The following POLQ variants were observed in gnomAD, a reference collection of about 807,000 sequenced individuals.
POLQ encodes DNA polymerase theta.
In POLQ, 233 loss-of-function variants were observed where a neutral mutation model predicts 259.2. The observed-to-expected ratio is 0.90, with a 90% CI of 0.81 to 1.00. POLQ has a LOEUF of 1.00. Among genes scored for constraint, POLQ ranks in the 50% least tolerant of loss-of-function variants. The pLI, the probability that POLQ is intolerant of heterozygous loss-of-function variation, is 0.00. For missense variants in POLQ, 2,871 were observed against 3,051.6 expected, an observed-to-expected ratio of 0.94 and a Z score of 1.39; for synonymous variants, 1,025 against 1,048.8, an observed-to-expected ratio of 0.98 and a Z score of 0.44.
intron 24 of POLQ, among the ~76,000 whole-genome samples, chr3:121,462,461 T>G (rs1240871183): frequency 6.6e-6 from 1 of 152,108 alleles, no homozygotes; most frequent in Non-Finnish European, 1.5e-5. Context: ...AGTCTAGAGT[T>G]TGGGGCTTTG....
At chr3:121,508,016 A>ATTTTTTTTTT (rs4048669) in intron 12 of POLQ, among the ~76,000 whole-genome samples, 10 of 129,646 alleles carry the variant, frequency 7.7e-5, no homozygotes, top group Non-Finnish European at 6.3e-5. Context: ...ACCATACACA[A>ATTTTTTTTTT]TTTTTTTTTT....
chr3:121,454,855 T>A (rs1422867884), intron 25 of POLQ, among the ~76,000 whole-genome samples: 1 of 152,100 alleles, frequency 6.6e-6, no homozygotes, highest in African/African-American at 2.4e-5. Context: ...TACCCAGGAA[T>A]TGAACTCAGC....
intron 4 of POLQ, 96 bp from the exon 5 acceptor site, chr3:121,537,304 T>C (rs1576429792): frequency 1.4e-6 from 1 of 703,782 alleles, no homozygotes; most frequent in Non-Finnish European, 2.5e-6. Flanking sequence ...ATTTCCTTTA[T>C]ATCAACTTTT....
At chr3:121,538,634 G>A (rs1317782279) in intron 4 of POLQ, among the ~76,000 whole-genome samples, 1 of 150,824 alleles carries the variant, frequency 6.6e-6, no homozygotes, top group East Asian at 1.9e-4. Context: ...CAAGCACTGT[G>A]CTAGGTACAT....
intron 9 of POLQ, among the ~76,000 whole-genome samples, chr3:121,517,755 C>G (rs1362215133): frequency 6.6e-6 from 1 of 152,168 alleles, no homozygotes; most frequent in Non-Finnish European, 1.5e-5. Flanking sequence ...AGGATAGAAA[C>G]TACATTGCTG....
chr3:121,535,730 A>G (rs952236375), intron 5 of POLQ, among the ~76,000 whole-genome samples: 6 of 151,530 alleles, frequency 4.0e-5, no homozygotes, highest in African/African-American at 1.2e-4. Context: ...AAAAAAAAAA[A>G]AAAGAAAGAA....
intron 4 of POLQ, among the ~76,000 whole-genome samples, chr3:121,538,215 G>GT (rs1008835024): frequency 6.6e-6 from 1 of 151,416 alleles, no homozygotes; most frequent in Non-Finnish European, 1.5e-5. Flanking sequence ...AATTTTAAGA[G>GT]TTTTTTTTTA....
chr3:121,497,523 A>G (rs917291798), intron 13 of POLQ, among the ~76,000 whole-genome samples: 2 of 151,958 alleles, frequency 1.3e-5, no homozygotes, highest in Non-Finnish European at 2.9e-5. Flanking sequence ...TGCAACCTCC[A>G]TCTCCTGGGT....
intron 15 of POLQ, 36 bp from the exon 16 acceptor site, chr3:121,490,444 C>A (rs180952575): frequency 2.8e-5 from 42 of 1,507,568 alleles, no homozygotes; most frequent in Non-Finnish European, 3.7e-5. Context: ...GAAATGAATT[C>A]ATTCATTCGT....
intron 7 of POLQ, among the ~76,000 whole-genome samples, chr3:121,526,890 T>TGTGTGC (rs542001955): frequency 2.6e-3 from 391 of 151,456 alleles, no homozygotes; most frequent in Middle Eastern, 6.8e-3. Flanking sequence ...TGTGTGTGTG[T>TGTGTGC]GCGCGCGCGC....
intron 22 of POLQ, among the ~76,000 whole-genome samples, chr3:121,470,554 C>T (rs2047875399): frequency 6.6e-6 from 1 of 152,160 alleles, no homozygotes; most frequent in Non-Finnish European, 1.5e-5. Flanking sequence ...ATCTATGAAC[C>T]TATTTAATCC....
rs373379255 is a variant in POLQ, at chr3:121,487,915, A to AT, written c.5015dup (p.Asn1672LysfsTer6). 3.7e-5 allele frequency: 59 copies of AT among 1,605,440 alleles called. No individual in the cohort carries two copies. In the African/African-American group the frequency reaches 7.3e-4, roughly 20 times the overall value. Reference sequence around the variant, plus strand: ...CTTCTTGTTCTTCATTTAACTCTGTATTTTTTCTATTCAAACTGGAAAAGT... The same window carrying AT: ...CTTCTTGTTCTTCATTTAACTCTGTATTTTTTTCTATTCAAACTGGAAAAGT... On this transcript the variant is annotated frameshift_variant, in exon 16 of 30. Coordinates refer to ENST00000264233, the MANE Select transcript of POLQ (RefSeq NM_199420.4). LOFTEE classifies it high-confidence loss of function.
At chr3:121,473,798 C>A (rs1459467602) in intron 20 of POLQ, among the ~76,000 whole-genome samples, 1 of 143,818 alleles carries the variant, frequency 7.0e-6, no homozygotes, top group Admixed American at 7.3e-5. Flanking sequence ...GTGATCACAG[C>A]TCACTCTAGC....
At position 121,494,795 on chromosome 3, in the gene POLQ, T is replaced by C. The variant is rs373011855; in HGVS notation, c.2279-1074A>G. 8.7e-6 allele frequency: 13 copies of C among 1,489,132 alleles called. No homozygotes were observed. In the South Asian group the frequency reaches 1.1e-4, roughly 13 times the overall value. 92.2% of individuals were successfully genotyped at this position (1,489,132 alleles called of 1,614,324 possible). On this transcript the variant is annotated intron_variant, in intron 14 of 29. Transcript: ENST00000264233. Reference sequence around the variant, plus strand: ...TATCAGGACCAATTACAACGACAGATAGGATGAGACCCACCGTCACTGGGG... The same window carrying C: ...TATCAGGACCAATTACAACGACAGACAGGATGAGACCCACCGTCACTGGGG...
Position 121,522,026 on chromosome 3 carries a change from C to T in POLQ, c.1232G>A (p.Trp411Ter). The T allele has an allele frequency of 6.3e-7, 1 of 1,586,302 alleles. No individual in the cohort carries two copies. Among genetic ancestry groups the T allele is most frequent in the Non-Finnish European group, 8.6e-7 (1 of 1,169,090 alleles). The change falls in exon 8 of 30, where the codon TGG becomes TAG. Residue 411 changes from tryptophan to a stop codon, truncating the protein, a stop_gained. Coordinates refer to ENST00000264233, the MANE Select transcript of POLQ (RefSeq NM_199420.4). LOFTEE classifies it high-confidence loss of function. ...LDSVLQKTVP[W>*]GVAFHHAGLT... ...ACCTGCATGATGAAATGCTACTCCC[C>T]ATGGTACAGTTTTCTGTAATACAGA...
intron 25 of POLQ, among the ~76,000 whole-genome samples, chr3:121,454,567 A>C (rs921571794): frequency 2.0e-5 from 3 of 152,108 alleles, no homozygotes; most frequent in African/African-American, 7.2e-5. Context: ...AACAAAAAAA[A>C]GCAGGGGTTG....
intron 1 of POLQ, among the ~76,000 whole-genome samples, chr3:121,545,229 T>C (rs1450442705): frequency 6.6e-6 from 1 of 152,136 alleles, no homozygotes; most frequent in Non-Finnish European, 1.5e-5. Flanking sequence ...TAGGTGAGTT[T>C]CTATTTATAG....
chr3:121,526,370 G>A (rs901525656), intron 7 of POLQ, among the ~76,000 whole-genome samples: 3 of 152,148 alleles, frequency 2.0e-5, no homozygotes, highest in Middle Eastern at 3.2e-3. Flanking sequence ...AGTATTAGCT[G>A]TTTTATAGAC....
At chr3:121,515,449 A>G (rs1560104530) in intron 9 of POLQ, among the ~76,000 whole-genome samples, 1 of 152,216 alleles carries the variant, frequency 6.6e-6, no homozygotes, top group South Asian at 2.1e-4. Flanking sequence ...CCATCTGGCC[A>G]AGGAATACAC....
Sources: gnomAD v4.1 joint callset for allele counts (sites outside exome capture counted in the v4.1 genomes callset) on GRCh38, gnomAD v4.1.1 for gene constraint, MANE v1.5 for transcripts, NCBI Gene and HGNC (gene_info 2026-07-23, HGNC 2026-07-21) for gene names.